OTOA: variants seen among roughly 807,000 people sequenced by gnomAD.
The protein encoded by OTOA is otoancorin.
OTOA carries 70 observed loss-of-function variants against 110.8 expected under a neutral mutation model. The ratio of observed to expected loss-of-function variants is 0.63; its 90% CI spans 0.52 to 0.77. The LOEUF (loss-of-function observed/expected upper bound fraction) is 0.77. Ranked by LOEUF, OTOA falls within the 30% of genes least tolerant of loss-of-function variation. The pLI, the probability that OTOA is intolerant of heterozygous loss-of-function variation, is 0.00. For missense variants in OTOA, 917 were observed against 1,075.8 expected, an observed-to-expected ratio of 0.85 and a Z score of 2.06; for synonymous variants, 373 against 431.5, an observed-to-expected ratio of 0.86 and a Z score of 1.68.
intron 1 of OTOA, among the ~76,000 whole-genome samples, chr16:21,677,719 T>C (rs887798657): frequency 2.6e-5 from 4 of 152,018 alleles, no homozygotes; most frequent in Admixed American, 2.6e-4. Flanking sequence ...CCTGACCTCA[T>C]GATCCGCCCA....
intron 28 of OTOA, among the ~76,000 whole-genome samples, chr16:21,758,630 A>G (rs140440863): frequency 0.089 from 12,139 of 135,752 alleles, 942 homozygotes; most frequent in East Asian, 0.25. Context: ...CCCCATTTCT[A>G]CAGCCACAAG....
intron 9 of OTOA, among the ~76,000 whole-genome samples, chr16:21,697,085 T>C (rs1026574968): frequency 2.1e-5 from 3 of 142,356 alleles, no homozygotes; most frequent in Non-Finnish European, 3.0e-5. Context: ...TCTTGATATA[T>C]TGCTCAGGCT....
intron 9 of OTOA, among the ~76,000 whole-genome samples, chr16:21,692,326 C>G (rs183591477): frequency 1.4e-5 from 2 of 141,888 alleles, no homozygotes; most frequent in South Asian, 4.4e-4. Context: ...GACTCCGTCT[C>G]GAAAAAAAAA....
intron 21 of OTOA, among the ~76,000 whole-genome samples, chr16:21,734,956 T>C (rs999933757): frequency 2.0e-5 from 3 of 151,668 alleles, no homozygotes; most frequent in African/African-American, 4.9e-5. Flanking sequence ...CAGGCCAAGA[T>C]AGTGAAACCT....
chr16:21,668,405 C>A (rs1966844746), intron 1 of OTOA, among the ~76,000 whole-genome samples: 2 of 150,852 alleles, frequency 1.3e-5, no homozygotes, highest in African/African-American at 4.9e-5. Context: ...CTGTGCCTGG[C>A]CTAATTTTTT....
chr16:21,684,382 T>TGG, intron 6 of OTOA: 10 of 1,431,510 alleles, frequency 7.0e-6, no homozygotes, highest in Non-Finnish European at 7.4e-6. Context: ...GAGAGGCTGA[T>TGG]GGCTTCTGCT....
At chr16:21,670,625 G>A (rs147099193) in intron 1 of OTOA, among the ~76,000 whole-genome samples, 2 of 152,200 alleles carry the variant, frequency 1.3e-5, no homozygotes, top group African/African-American at 4.8e-5. Flanking sequence ...AGTTAGTTTT[G>A]TAAACTGCTG....
chr16:21,719,607 A>G, intron 17 of OTOA, 103 bp downstream of exon 17: 2 of 1,130,668 alleles, frequency 1.8e-6, no homozygotes, highest in Admixed American at 1.7e-5. Context: ...AGAATCATTC[A>G]GACGCAAGTG....
At chr16:21,693,025 C>G (rs1325747849) in intron 9 of OTOA, among the ~76,000 whole-genome samples, 1 of 151,404 alleles carries the variant, frequency 6.6e-6, no homozygotes. Context: ...GAGGCTGAGA[C>G]GGGCAGATCA....
chr16:21,670,853 G>C (rs1196363849), intron 1 of OTOA, among the ~76,000 whole-genome samples: 12 of 152,138 alleles, frequency 7.9e-5, no homozygotes, highest in Non-Finnish European at 1.8e-4. Context: ...ACAATGAATT[G>C]ATCTTAGCCG....
At chr16:21,702,819 G>T (rs905306772) in intron 11 of OTOA, among the ~76,000 whole-genome samples, 1 of 152,070 alleles carries the variant, frequency 6.6e-6, no homozygotes, top group Non-Finnish European at 1.5e-5. Context: ...GGGACTACAG[G>T]CACACGCCAC....
At position 21,736,297 on chromosome 16, in the gene OTOA, G is replaced by T; in HGVS notation, c.2338G>T (p.Ala780Ser). 1 of 1,613,902 alleles carries T rather than the reference G, an allele frequency of 6.2e-7. No individual in the cohort carries two copies. The highest frequency in any genetic ancestry group is 8.5e-7 in the Non-Finnish European group (1 of 1,179,890). Residue 780 changes from alanine to serine, a missense_variant, in exon 22 of 29, where the codon GCC (alanine) becomes TCC (serine). Ala to Ser is a moderately conservative substitution (Grantham distance 99). Coordinates refer to ENST00000646100, the MANE Select transcript of OTOA (RefSeq NM_144672.4). ...CCTTCTGCAAGCAGCTTCCAAGATG[G>T]CCAGGACCCTGCCCACTAAAGAATT... ...EILLQAASKMARTLPTKEFLW... is the reference protein window; with the variant it reads ...EILLQAASKMSRTLPTKEFLW...
intron 9 of OTOA, among the ~76,000 whole-genome samples, chr16:21,692,772 C>CA (rs1407428735): frequency 2.0e-5 from 3 of 147,434 alleles, no homozygotes; most frequent in Non-Finnish European, 4.5e-5. Context: ...ACTAAAAATA[C>CA]AAAAAATTAG....
intron 16 of OTOA, 61 bp from the exon 17 acceptor site, chr16:21,719,326 C>T (rs1555500323): frequency 6.4e-7 from 1 of 1,568,432 alleles, no homozygotes. Context: ...CCTTCTCTCG[C>T]TCTTTCTTTC....
intron 1 of OTOA, among the ~76,000 whole-genome samples, chr16:21,665,382 A>G (rs1324029253): frequency 6.6e-6 from 1 of 152,192 alleles, no homozygotes; most frequent in Non-Finnish European, 1.5e-5. Flanking sequence ...CAAAGATTCT[A>G]CAAGAATTAA....
chr16:21,699,809 C>G (rs977122371), intron 10 of OTOA, among the ~76,000 whole-genome samples: 29 of 152,114 alleles, frequency 1.9e-4, no homozygotes, highest in Admixed American at 1.8e-3. Context: ...ATCCCAGCTA[C>G]TCAGGAGGCT....
rs1384799452 is a variant in OTOA, at chr16:21,760,531, C to G, written c.3411C>G (p.Leu1137=). Residue 1137 remains leucine, a synonymous_variant, in exon 29 of 29, where the codon CTC becomes CTG. Transcript: ENST00000646100. ...CCCTGCTGGTTCTAATGGCCAAGCT[C>G]CTGTGGTGAGTGGCCTGAGCGCATC... is the stretch of plus-strand genomic sequence containing the variant. ...GCPLLVLMAK[L]LW 1.4e-5 allele frequency: 23 copies of G among 1,606,060 alleles called. No homozygotes were observed. Among genetic ancestry groups the G allele is most frequent in the Non-Finnish European group, 1.9e-5 (22 of 1,176,926 alleles).
chr16:21,751,557 G>A (rs1388520451), intron 24 of OTOA, among the ~76,000 whole-genome samples: 2 of 98,124 alleles, frequency 2.0e-5, no homozygotes, highest in Admixed American at 1.2e-4. Context: ...GAGAAGAAAC[G>A]TTGTGGAAAA....
intron 5 of OTOA, among the ~76,000 whole-genome samples, chr16:21,680,920 C>T (rs559786532): frequency 1.8e-4 from 28 of 151,502 alleles, no homozygotes; most frequent in Admixed American, 2.6e-4. Context: ...CACAGTCTTA[C>T]GCAATTTTCA....
Sources: allele counts gnomAD v4.1 joint callset (sites outside exome capture counted in the v4.1 genomes callset), GRCh38; gene constraint gnomAD v4.1.1; transcripts MANE v1.5; gene names NCBI Gene and HGNC (gene_info 2026-07-23, HGNC 2026-07-21).